RDH10: variants seen among roughly 807,000 people sequenced by gnomAD.
The protein encoded by RDH10 is retinol dehydrogenase 10, also known as retinol dehydrogenase 10 (all-trans).
RDH10 carries 12 observed loss-of-function variants against 30.2 expected under a neutral mutation model. That is an observed-to-expected ratio of 0.40 (90% confidence interval 0.25 to 0.64). The LOEUF (loss-of-function observed/expected upper bound fraction) is 0.64, where lower values mean the gene tolerates loss of function less well. Ranked by LOEUF, RDH10 falls within the 30% of genes least tolerant of loss-of-function variation. The pLI is 0.43. For missense variants in RDH10, 268 were observed against 445.2 expected (o/e 0.60, Z 3.58); for synonymous variants, 189 against 172.2 (o/e 1.10, Z -0.76).
At chr8:73,296,246 T>G (rs1038564772) in intron 1 of RDH10, among the ~76,000 whole-genome samples, 2 of 152,112 alleles carry the variant, frequency 1.3e-5, no homozygotes, top group African/African-American at 2.4e-5. Context: ...CTGAGTTGTT[T>G]TTTTTTTTAA....
chr8:73,306,999 C>T (rs1814475852), intron 2 of RDH10, among the ~76,000 whole-genome samples: 1 of 152,172 alleles, frequency 6.6e-6, no homozygotes, highest in South Asian at 2.1e-4. Context: ...CTACTGATTT[C>T]TTAAGGGTTT....
chr8:73,309,848 T>G (rs763343017), intron 2 of RDH10, among the ~76,000 whole-genome samples: 2 of 152,132 alleles, frequency 1.3e-5, no homozygotes, highest in African/African-American at 2.4e-5. Flanking sequence ...GCTGCTGGCA[T>G]CTAGTGGAGA....
intron 2 of RDH10, among the ~76,000 whole-genome samples, chr8:73,302,912 C>T (rs1814403700): frequency 6.6e-6 from 1 of 152,168 alleles, no homozygotes; most frequent in African/African-American, 2.4e-5. Flanking sequence ...AAATTGATCC[C>T]TGATTAACCA....
rs188694920 is a variant in RDH10, at chr8:73,314,092, A to G, written c.526-5004A>G. Among the ~76,000 whole-genome samples, 123 of 152,322 alleles carry G rather than the reference A, an allele frequency of 8.1e-4. 1 individual carries two copies. The highest frequency in any genetic ancestry group is 2.9e-3 in the African/African-American group (121 of 41,572). ...TTTGAGACAAAGTTAAAGATTATGA[A>G]CCTTAGCTTGAACTGACTGGTGTCA... is the stretch of plus-strand genomic sequence containing the variant. On this transcript the variant is annotated intron_variant, in intron 2 of 5. Coordinates refer to ENST00000240285, the MANE Select transcript of RDH10 (RefSeq NM_172037.5).
chr8:73,296,945 C>T (rs1814276520), intron 1 of RDH10: 7 of 454,470 alleles, frequency 1.5e-5, no homozygotes, highest in Non-Finnish European at 2.8e-5. Context: ...TTGTATTGGG[C>T]TTGTCACAAT....
chr8:73,301,049 T>TA (rs1245692816), intron 2 of RDH10, among the ~76,000 whole-genome samples: 1 of 135,122 alleles, frequency 7.4e-6, no homozygotes, highest in African/African-American at 2.8e-5. Flanking sequence ...ATTCTTTTTT[T>TA]TTTTTTTTTT....
rs566867287 is a variant in RDH10, at chr8:73,318,471, G to A, written c.526-625G>A. ...AATGTGACTGTTCAGAATGATACACGTTCTTGTCAGTGCATAGTTGGCATT... is the reference window on the plus strand; with the variant it reads ...AATGTGACTGTTCAGAATGATACACATTCTTGTCAGTGCATAGTTGGCATT... On this transcript the variant is annotated intron_variant, in intron 2 of 5. Transcript: ENST00000240285. Among the ~76,000 whole-genome samples, 44 of 152,354 alleles carry A rather than the reference G, an allele frequency of 2.9e-4. No homozygotes were observed. In the South Asian group the frequency reaches 3.3e-3, roughly 11 times the overall value.
rs1362895447 is a variant in RDH10, at chr8:73,295,154, C to T, written c.-136C>T. 3.5e-6 allele frequency: 3 copies of T among 850,538 alleles called. No homozygotes were observed. Among genetic ancestry groups the T allele is most frequent in the Non-Finnish European group, 5.0e-6 (3 of 602,652 alleles). 52.7% of individuals were successfully genotyped at this position (850,538 alleles called of 1,614,324 possible). A position where few individuals can be genotyped will look rare whatever the true frequency, so the allele number is the denominator to read the frequency against. On this transcript the variant is annotated 5_prime_UTR_variant, in exon 1 of 6. Coordinates refer to ENST00000240285, the MANE Select transcript of RDH10 (RefSeq NM_172037.5). ...CCGCGCACTCCAACCCGGCGGGCAC[C>T]TCGGGGGCGGGCGCGGGGCGCAGCC... is the stretch of plus-strand genomic sequence containing the variant.
Position 73,323,189 on chromosome 8 carries a change from G to A in RDH10, c.*153G>A, listed in dbSNP as rs1019856177. On this transcript the variant is annotated 3_prime_UTR_variant, in exon 6 of 6. Transcript: ENST00000240285. The stretch of plus-strand genomic sequence containing the variant: ...TAAAAAAATAAAGTGTAAATTAACC[G>A]ACTAGAGTACTTGGAAAATGTGATC... 53 of 633,824 alleles carry A rather than the reference G, an allele frequency of 8.4e-5. 1 individual carries two copies. Among genetic ancestry groups the A allele is most frequent in the African/African-American group, 1.1e-4 (6 of 54,428 alleles). 39.3% of individuals were successfully genotyped at this position (633,824 alleles called of 1,614,324 possible).
intron 2 of RDH10, among the ~76,000 whole-genome samples, chr8:73,304,750 CAG>C (rs1399489735): frequency 2.0e-5 from 3 of 152,124 alleles, no homozygotes; most frequent in African/African-American, 7.2e-5. Flanking sequence ...TTGAAGACAA[CAG>C]AAGTTGAATA....
intron 3 of RDH10, 110 bp downstream of exon 3, chr8:73,319,304 AAGG>A: frequency 1.4e-6 from 1 of 731,066 alleles, no homozygotes; most frequent in Non-Finnish European, 2.4e-6. Context: ...AAGCTGCACG[AAGG>A]CACTCTGCAT....
At position 73,323,745 on chromosome 8, in the gene RDH10, A is replaced by G. The variant is rs7814695; in HGVS notation, c.*709A>G. 119,659 of 151,152 alleles carry G rather than the reference A, an allele frequency of 0.79. 47,374 individuals are homozygous for G. The highest frequency in any genetic ancestry group is 0.92 in the South Asian group (4,395 of 4,800). The allele number at this position is 151,152 out of a possible 1,614,324, so 9.4% of individuals were successfully genotyped here. On this transcript the variant is annotated 3_prime_UTR_variant, in exon 6 of 6. Coordinates refer to ENST00000240285, the MANE Select transcript of RDH10 (RefSeq NM_172037.5). Reference sequence around the variant, plus strand: ...CGGCTCACTGCAATCTCTGCCTCCCAGTTTCAAGTGATTCTGCTGTCTCAG... The same window carrying G: ...CGGCTCACTGCAATCTCTGCCTCCCGGTTTCAAGTGATTCTGCTGTCTCAG...
At chr8:73,320,198 TA>T (rs1348591802) in intron 3 of RDH10, among the ~76,000 whole-genome samples, 1 of 152,234 alleles carries the variant, frequency 6.6e-6, no homozygotes, top group Admixed American at 6.5e-5. Flanking sequence ...TGCATTAATT[TA>T]AACAAACTGG....
At position 73,320,554 on chromosome 8, in the gene RDH10, T is replaced by A. The variant is rs374773602; in HGVS notation, c.625-378T>A. On this transcript the variant is annotated intron_variant, in intron 3 of 5. Coordinates refer to ENST00000240285, the MANE Select transcript of RDH10 (RefSeq NM_172037.5). The stretch of plus-strand genomic sequence containing the variant: ...GGTGTGATCTTGGCTCACTGCAACC[T>A]CCACCTCCCAGGTTCAAGCAATTCT... Among the ~76,000 whole-genome samples, 31 of 150,442 alleles carry A rather than the reference T, an allele frequency of 2.1e-4. 1 individual carries two copies. The South Asian group carries it at 5.8e-3, about 28-fold the overall frequency.
chr8:73,308,115 A>C (rs1429150293), intron 2 of RDH10, among the ~76,000 whole-genome samples: 2 of 152,142 alleles, frequency 1.3e-5, no homozygotes, highest in Non-Finnish European at 2.9e-5. Context: ...AATTAGACAC[A>C]AAAAAAGTCA....
intron 2 of RDH10, among the ~76,000 whole-genome samples, chr8:73,303,291 T>G (rs1036418699): frequency 6.6e-6 from 1 of 152,226 alleles, no homozygotes; most frequent in Non-Finnish European, 1.5e-5. Context: ...TAGGTTCTTA[T>G]GTGATTTACT....
intron 2 of RDH10, among the ~76,000 whole-genome samples, chr8:73,303,911 C>A (rs1273971177): frequency 6.6e-6 from 1 of 152,170 alleles, no homozygotes; most frequent in Non-Finnish European, 1.5e-5. Context: ...AAAAAGTTCT[C>A]CAACATCTTC....
chr8:73,322,436 T>C (rs1401911755), intron 4 of RDH10: 3 of 442,666 alleles, frequency 6.8e-6, no homozygotes, highest in Non-Finnish European at 1.2e-5. Context: ...AAACATGACT[T>C]TTTCATCTTA....
intron 1 of RDH10, chr8:73,295,812 A>G: frequency 8.5e-7 from 1 of 1,176,610 alleles, no homozygotes; most frequent in Non-Finnish European, 1.1e-6. Context: ...TCTGGGGACC[A>G]CGGCGGGGGG....
Sources: allele counts gnomAD v4.1 joint callset (sites outside exome capture counted in the v4.1 genomes callset), GRCh38; gene constraint gnomAD v4.1.1; transcripts MANE v1.5; gene names NCBI Gene and HGNC (gene_info 2026-07-23, HGNC 2026-07-21).